CLMN: variants seen among roughly 807,000 people sequenced by gnomAD.
CLMN encodes the protein calmin, also known as calmin (calponin-like, transmembrane).
In CLMN, 57 loss-of-function variants were observed where a neutral mutation model predicts 92.7. The ratio of observed to expected loss-of-function variants is 0.61; its 90% CI spans 0.50 to 0.77. The LOEUF (loss-of-function observed/expected upper bound fraction) is 0.77. Among genes scored for constraint, CLMN ranks in the 30% least tolerant of loss-of-function variants. The probability of loss-of-function intolerance (pLI) is 0.00; values close to 1 mark genes in which losing one functional copy is unlikely to be tolerated. For missense variants in CLMN, 1,158 were observed against 1,237.5 expected, an observed-to-expected ratio of 0.94 and a Z score of 0.96; for synonymous variants, 466 against 470.6, an observed-to-expected ratio of 0.99 and a Z score of 0.13.
intron 6 of CLMN, among the ~76,000 whole-genome samples, chr14:95,211,829 G>A (rs1186747341): frequency 6.6e-6 from 1 of 152,084 alleles, no homozygotes; most frequent in Non-Finnish European, 1.5e-5. Context: ...ACTGGTCCAA[G>A]ACAATTATTA....
At chr14:95,310,228 T>G (rs1216729348) in intron 1 of CLMN, among the ~76,000 whole-genome samples, 1 of 152,226 alleles carries the variant, frequency 6.6e-6, no homozygotes, top group African/African-American at 2.4e-5. Flanking sequence ...ACTTCTTTTC[T>G]TTATAAATTA....
intron 2 of CLMN, among the ~76,000 whole-genome samples, chr14:95,226,142 C>T (rs979642083): frequency 2.6e-5 from 4 of 152,164 alleles, no homozygotes; most frequent in African/African-American, 9.7e-5. Context: ...TATATGGGAT[C>T]GGTTCCAGGA....
intron 8 of CLMN, 94 bp downstream of exon 8, chr14:95,209,301 C>T: frequency 8.8e-7 from 1 of 1,134,232 alleles, no homozygotes; most frequent in Non-Finnish European, 1.3e-6. Context: ...CTGCTAGTTA[C>T]ACAGAGCAAC....
rs566278657 is a variant in CLMN at position 95,242,810 on chromosome 14, G to A, written c.83-12677C>T. Among the ~76,000 whole-genome samples the A allele has an allele frequency of 3.2e-3, 444 of 138,012 alleles. 3 individuals are homozygous for A. The highest frequency in any genetic ancestry group is 2.9e-3 in the Admixed American group (40 of 13,772). The allele number at this position is 138,012 out of a possible 152,430, so 90.5% of individuals were successfully genotyped here. On this transcript the variant is annotated intron_variant, in intron 1 of 12. Transcript: ENST00000298912. ...TCTCGAACTCCAGACCTCGTGATCCGCCCACCTTGGCCTCCCAAAGTGCTG... is the reference window on the plus strand; with the variant it reads ...TCTCGAACTCCAGACCTCGTGATCCACCCACCTTGGCCTCCCAAAGTGCTG...
intron 1 of CLMN, among the ~76,000 whole-genome samples, chr14:95,302,256 C>T (rs910853465): frequency 1.3e-5 from 2 of 151,626 alleles, no homozygotes; most frequent in African/African-American, 2.4e-5. Flanking sequence ...GCCAAGATCG[C>T]GCCACTACAC....
At chr14:95,204,485 A>G in intron 8 of CLMN, 22 bp from the exon 9 acceptor site, 1 of 1,538,886 alleles carries the variant, frequency 6.5e-7, no homozygotes, top group Non-Finnish European at 8.7e-7. Context: ...AACAAAAACA[A>G]ACAAACAAAA....
At chr14:95,282,533 C>G (rs908797359) in intron 1 of CLMN, among the ~76,000 whole-genome samples, 2 of 151,914 alleles carry the variant, frequency 1.3e-5, no homozygotes, top group Non-Finnish European at 2.9e-5. Context: ...CTGGTTCAGG[C>G]CCAAATGAGA....
At chr14:95,213,851 G>C (rs536863838) in intron 5 of CLMN, among the ~76,000 whole-genome samples, 1 of 152,236 alleles carries the variant, frequency 6.6e-6, no homozygotes, top group Non-Finnish European at 1.5e-5. Context: ...ACTTCTGTAA[G>C]ATATGCAGAA....
chr14:95,225,311 C>T (rs1897676695), intron 2 of CLMN, among the ~76,000 whole-genome samples: 1 of 152,202 alleles, frequency 6.6e-6, no homozygotes, highest in Non-Finnish European at 1.5e-5. Flanking sequence ...GCAACTTGGC[C>T]TTGGGAATGT....
intron 6 of CLMN, among the ~76,000 whole-genome samples, chr14:95,212,668 A>G (rs1897230950): frequency 6.6e-6 from 1 of 152,196 alleles, no homozygotes; most frequent in South Asian, 2.1e-4. Context: ...CAACATGATG[A>G]AGGCTCCTCT....
At chr14:95,213,544 AC>A in intron 5 of CLMN, 135 bp from the exon 6 acceptor site, 1 of 745,694 alleles carries the variant, frequency 1.3e-6, no homozygotes, top group East Asian at 2.8e-5. Flanking sequence ...ATGCAGAGAA[AC>A]CCTTTCTGAT....
intron 1 of CLMN, among the ~76,000 whole-genome samples, chr14:95,297,287 G>T (rs1304801559): frequency 6.6e-6 from 1 of 152,226 alleles, no homozygotes; most frequent in East Asian, 1.9e-4. Context: ...TGCTTAAACA[G>T]ACATACCAGT....
intron 9 of CLMN, among the ~76,000 whole-genome samples, chr14:95,200,589 A>C (rs1896850165): frequency 6.6e-6 from 1 of 152,062 alleles, no homozygotes; most frequent in Admixed American, 6.5e-5. Context: ...GCACTTATTA[A>C]CGTGGCATCT....
chr14:95,271,852 G>A (rs909152568), intron 1 of CLMN, among the ~76,000 whole-genome samples: 4 of 152,168 alleles, frequency 2.6e-5, no homozygotes, highest in African/African-American at 9.7e-5. Flanking sequence ...GCACTATCTT[G>A]ACTTCTATCA....
Position 95,186,771 on chromosome 14 carries a change from G to C in CLMN, c.*4793C>G, listed in dbSNP as rs932353370. 2 of 152,412 alleles carry C rather than the reference G, an allele frequency of 1.3e-5. No homozygotes were observed. Among genetic ancestry groups the C allele is most frequent in the African/African-American group, 4.8e-5 (2 of 41,420 alleles). 9.4% of individuals were successfully genotyped at this position (152,412 alleles called of 1,614,324 possible). Reference sequence around the variant, plus strand: ...AGATGGAGTCTTGCTATGTTGTGCAGGCTGGTCTTGAATTCCTGGCCTCAA... The same window carrying C: ...AGATGGAGTCTTGCTATGTTGTGCACGCTGGTCTTGAATTCCTGGCCTCAA... On this transcript the variant is annotated 3_prime_UTR_variant, in exon 13 of 13. Coordinates refer to ENST00000298912, the MANE Select transcript of CLMN (RefSeq NM_024734.4).
intron 1 of CLMN, among the ~76,000 whole-genome samples, chr14:95,302,783 C>A (rs1048657620): frequency 6.6e-6 from 1 of 152,130 alleles, no homozygotes; most frequent in Non-Finnish European, 1.5e-5. Context: ...CCACAAGGAC[C>A]CATAATTTGG....
intron 2 of CLMN, among the ~76,000 whole-genome samples, chr14:95,228,077 C>T (rs1158638478): frequency 6.6e-6 from 1 of 152,102 alleles, no homozygotes; most frequent in Admixed American, 6.5e-5. Flanking sequence ...ATGATAAATG[C>T]GAACAGAGGT....
Position 95,304,066 on chromosome 14 carries a change from G to C in CLMN, c.82+15645C>G, listed in dbSNP as rs577098083. Among the ~76,000 whole-genome samples, 29 of 152,298 alleles carry C rather than the reference G, an allele frequency of 1.9e-4. No individual in the cohort carries two copies. The Middle Eastern group carries it at 0.01, about 54-fold the overall frequency. On this transcript the variant is annotated intron_variant, in intron 1 of 12. Transcript: ENST00000298912. ...GAAATCTACATCTTCAGCCAGACGT[G>C]GTGGCTCACACCTGTAATCCCAGCA... is the stretch of plus-strand genomic sequence containing the variant.
rs1896971591 is a variant in CLMN, at chr14:95,204,095, G to A, written c.1254C>T (p.Asn418=). The change falls in exon 9 of 13, where the codon AAC becomes AAT. Residue 418 remains asparagine, a synonymous_variant. Coordinates refer to ENST00000298912, the MANE Select transcript of CLMN (RefSeq NM_024734.4). ...LSSRKENGRS[N]SLPIKKTVHF... ...GAACTGTTTTCTTGATCGGCAAAGA[G>A]TTGGACCTCCCGTTCTCCTTTCTGG... 3.1e-6 allele frequency: 5 copies of A among 1,614,098 alleles called. No homozygotes were observed. The highest frequency in any genetic ancestry group is 2.7e-5 in the African/African-American group (2 of 74,932).
Sources: allele counts gnomAD v4.1 joint callset (sites outside exome capture counted in the v4.1 genomes callset), GRCh38; gene constraint gnomAD v4.1.1; transcripts MANE v1.5; gene names NCBI Gene and HGNC (gene_info 2026-07-23, HGNC 2026-07-21).